The following RPTOR variants were observed in gnomAD, a reference collection of about 807,000 sequenced individuals.
RPTOR encodes the protein regulatory-associated protein of mTOR.
Under a neutral mutation model 169.9 loss-of-function variants are expected in RPTOR, and 21 were observed. That is an observed-to-expected ratio of 0.12 (90% confidence interval 0.09 to 0.18). The LOEUF is 0.18. Among genes scored for constraint, RPTOR ranks in the 10% least tolerant of loss-of-function variants. RPTOR has a pLI of 1.00. For synonymous variants in RPTOR, 732 were observed against 753.2 expected, an observed-to-expected ratio of 0.97 and a Z score of 0.46; for missense variants, 1,133 against 1,855.9, an observed-to-expected ratio of 0.61 and a Z score of 7.16.
chr17:80,742,480 C>G (rs2066490993), intron 5 of RPTOR, among the ~76,000 whole-genome samples: 1 of 151,990 alleles, frequency 6.6e-6, no homozygotes, highest in Admixed American at 6.5e-5. Flanking sequence ...TAAGCACATG[C>G]ACATACAGAC....
intron 3 of RPTOR, among the ~76,000 whole-genome samples, chr17:80,679,426 T>G (rs2065882446): frequency 6.6e-6 from 1 of 152,144 alleles, no homozygotes; most frequent in African/African-American, 2.4e-5. Flanking sequence ...TAGAAAAGAT[T>G]TTTGGGGGGT....
At chr17:80,622,077 G>A (rs2065358861) in intron 1 of RPTOR, among the ~76,000 whole-genome samples, 1 of 152,182 alleles carries the variant, frequency 6.6e-6, no homozygotes, top group African/African-American at 2.4e-5. Context: ...AGAAGCCAGT[G>A]GGGAACCAGT....
chr17:80,836,355 A>G (rs2067564188), intron 9 of RPTOR, among the ~76,000 whole-genome samples: 1 of 152,254 alleles, frequency 6.6e-6, no homozygotes, highest in Non-Finnish European at 1.5e-5. Context: ...ATGCATATTG[A>G]AAGCCTGCTA....
intron 6 of RPTOR, among the ~76,000 whole-genome samples, chr17:80,776,045 C>CT (rs11450408): frequency 0.92 from 139,445 of 151,996 alleles, 64,065 homozygotes; most frequent in East Asian, 1. Context: ...TACATAGAAC[C>CT]TTCCTTAGCT....
intron 20 of RPTOR, among the ~76,000 whole-genome samples, chr17:80,899,586 T>G (rs1198593670): frequency 1.3e-5 from 2 of 152,186 alleles, no homozygotes; most frequent in African/African-American, 4.8e-5. Flanking sequence ...TTCCGTCACG[T>G]GTAGGTTAGA....
At chr17:80,924,091 T>G (rs1178738900) in intron 23 of RPTOR, 1 of 214,872 alleles carries the variant, frequency 4.7e-6, no homozygotes, top group East Asian at 1.1e-4. Flanking sequence ...GCATTTGTTC[T>G]GAATGTGTTG....
chr17:80,634,704 CTG>C (rs36184012), intron 2 of RPTOR, among the ~76,000 whole-genome samples: 2,056 of 64,698 alleles, frequency 0.032, 263 homozygotes, highest in Non-Finnish European at 0.038. Flanking sequence ...CGTGTGCGTA[CTG>C]TGTGTGTGCG....
chr17:80,558,850 T>G, intron 1 of RPTOR, among the ~76,000 whole-genome samples: 1 of 152,194 alleles, frequency 6.6e-6, no homozygotes, highest in East Asian at 1.9e-4. Context: ...ACGTTGCATT[T>G]GGTGGTCGTG....
intron 1 of RPTOR, among the ~76,000 whole-genome samples, chr17:80,607,516 C>T (rs1391940836): frequency 6.6e-6 from 1 of 151,938 alleles, no homozygotes; most frequent in Admixed American, 6.6e-5. Flanking sequence ...AGGATTTATA[C>T]TCAGCTATGC....
At chr17:80,734,302 G>C (rs897158498) in intron 5 of RPTOR, among the ~76,000 whole-genome samples, 5 of 152,156 alleles carry the variant, frequency 3.3e-5, no homozygotes, top group African/African-American at 9.7e-5. Flanking sequence ...TCGCTCAGCC[G>C]ATCGTGCCTG....
At chr17:80,546,297 C>T (rs1419488929) in intron 1 of RPTOR, among the ~76,000 whole-genome samples, 1 of 152,196 alleles carries the variant, frequency 6.6e-6, no homozygotes, top group Non-Finnish European at 1.5e-5. Context: ...GAACTTCATT[C>T]TAGTCTTCTA....
At chr17:80,884,849 C>T (rs1372003542) in intron 16 of RPTOR, among the ~76,000 whole-genome samples, 159 bp from the exon 17 acceptor site, 2 of 152,230 alleles carry the variant, frequency 1.3e-5, no homozygotes, top group Non-Finnish European at 2.9e-5. Context: ...CCTCCTTCCC[C>T]GTTGCCACTC....
chr17:80,768,990 A>C (rs1451189156), intron 6 of RPTOR, among the ~76,000 whole-genome samples: 3 of 152,206 alleles, frequency 2.0e-5, no homozygotes, highest in African/African-American at 7.2e-5. Context: ...TGCGGAAGCC[A>C]TTTTCATCCT....
At chr17:80,621,573 C>A (rs1031718970) in intron 1 of RPTOR, among the ~76,000 whole-genome samples, 4 of 152,214 alleles carry the variant, frequency 2.6e-5, no homozygotes, top group Non-Finnish European at 5.9e-5. Context: ...CTGGCTGCCC[C>A]ACTTGCTCGC....
Position 80,823,881 on chromosome 17 carries a change from G to T in RPTOR, c.1136+658G>T, listed in dbSNP as rs2067410525. On this transcript the variant is annotated intron_variant, in intron 9 of 33. Coordinates refer to ENST00000306801, the MANE Select transcript of RPTOR (RefSeq NM_020761.3). The surrounding 1 kb of genome is among the most constrained non-coding windows in gnomAD (Gnocchi z 4.5). ...AGCAGGTTTGGGCAAATTCTAAAAT[G>T]GTATTAAAACAAAGGAAAAATATTT... Among the ~76,000 whole-genome samples the T allele has an allele frequency of 6.6e-6, 1 of 152,162 alleles. No individual in the cohort carries two copies. Among genetic ancestry groups the T allele is most frequent in the African/African-American group, 2.4e-5 (1 of 41,438 alleles).
intron 6 of RPTOR, among the ~76,000 whole-genome samples, chr17:80,770,499 A>G (rs1311740654): frequency 6.6e-6 from 1 of 152,154 alleles, no homozygotes; most frequent in Non-Finnish European, 1.5e-5. Context: ...GGGGCAGCTC[A>G]CTGTGTGGGT....
chr17:80,769,665 G>T (rs989293954), intron 6 of RPTOR, among the ~76,000 whole-genome samples: 1 of 152,176 alleles, frequency 6.6e-6, no homozygotes, highest in Non-Finnish European at 1.5e-5. Flanking sequence ...CGGCATCACT[G>T]CTGTTGGGGT....
At chr17:80,597,661 C>T (rs1230991322) in intron 1 of RPTOR, among the ~76,000 whole-genome samples, 2 of 134,118 alleles carry the variant, frequency 1.5e-5, no homozygotes, top group African/African-American at 2.8e-5. Flanking sequence ...CAGGCATGTA[C>T]CTTCACACCC....
intron 13 of RPTOR, among the ~76,000 whole-genome samples, chr17:80,870,396 A>G (rs1011655513): frequency 5.3e-5 from 8 of 152,188 alleles, no homozygotes; most frequent in African/African-American, 1.4e-4. Context: ...TGGTTCTCCT[A>G]CCCGTGCTCA....
Sources: gnomAD v4.1 joint callset for allele counts (sites outside exome capture counted in the v4.1 genomes callset) on GRCh38, gnomAD v4.1.1 for gene constraint, Gnocchi (gnomAD v3.1) non-coding constraint, MANE v1.5 for transcripts, NCBI Gene and HGNC (gene_info 2026-07-23, HGNC 2026-07-21) for gene names.